NTRK1: variants seen among roughly 807,000 people sequenced by gnomAD.
NTRK1 encodes high affinity nerve growth factor receptor.
NTRK1 carries 62 observed loss-of-function variants against 86.8 expected under a neutral mutation model. That is an observed-to-expected ratio of 0.71 (90% CI 0.58 to 0.88). NTRK1 has a LOEUF of 0.88. NTRK1 is among the 40% of genes least tolerant of loss of function. NTRK1 has a pLI of 0.00. For synonymous variants in NTRK1, 469 were observed against 456.6 expected, an observed-to-expected ratio of 1.03 and a Z score of -0.35; for missense variants, 967 against 1,078.4, an observed-to-expected ratio of 0.90 and a Z score of 1.45.
intron 10 of NTRK1, 100 bp from the exon 11 acceptor site, chr1:156,874,806 G>T: frequency 8.5e-7 from 1 of 1,178,180 alleles, no homozygotes. Flanking sequence ...CTGGAGACCT[G>T]GCTCCGGGCT....
upstream of NTRK1, among the ~76,000 whole-genome samples, chr1:156,860,038 G>T (rs768087711): frequency 1.3e-5 from 2 of 152,254 alleles, no homozygotes; most frequent in Non-Finnish European, 2.9e-5. Flanking sequence ...GCTAAGAGAA[G>T]ATCTATTAAT....
intron 1 of NTRK1, chr1:156,816,152 C>A (rs915837261): frequency 2.3e-5 from 36 of 1,537,976 alleles, no homozygotes; most frequent in Non-Finnish European, 3.1e-5. Context: ...TCTGTCTCTG[C>A]CTCCCACCCC....
chr1:156,861,097 G>T lies in NTRK1; in HGVS notation c.163G>T (p.Ala55Ser). Residue 55 changes from alanine to serine, a missense_variant, in exon 1 of 17, where the codon GCC (alanine) becomes TCC (serine). By Grantham distance (99) the Ala-to-Ser change is moderately conservative. Around this residue, in one of 2 missense-constraint regions of NTRK1, gnomAD observed 330 missense variants for 302.0 expected, o/e 1.09. Coordinates refer to ENST00000524377, the MANE Select transcript of NTRK1 (RefSeq NM_002529.4). The stretch of plus-strand genomic sequence containing the variant: ...GGGACTGCGATGCACCCGGGATGGG[G>T]CCCTGGATAGCCTCCACCACCTGCC... ...SSGLRCTRDG[A>S]LDSLHHLPGA... 2 of 1,584,326 alleles carry T rather than the reference G, an allele frequency of 1.3e-6. No homozygotes were observed. Among genetic ancestry groups the T allele is most frequent in the South Asian group, 1.1e-5 (1 of 88,002 alleles).
chr1:156,818,364 C>A (rs192427571), intron 1 of NTRK1, among the ~76,000 whole-genome samples: 1 of 151,964 alleles, frequency 6.6e-6, no homozygotes, highest in Non-Finnish European at 1.5e-5. Flanking sequence ...TTTTGGGGTA[C>A]GGTTGGGTTT....
chr1:156,834,654 T>C (rs558059901), intron 1 of NTRK1, among the ~76,000 whole-genome samples: 20 of 152,118 alleles, frequency 1.3e-4, no homozygotes, highest in African/African-American at 4.6e-4. Context: ...TCTTTGCCAC[T>C]ATAAAGAGTT....
At chr1:156,840,804 G>A (rs751986902) in intron 1 of NTRK1, 199 of 1,217,848 alleles carry the variant, frequency 1.6e-4, no homozygotes, top group Non-Finnish European at 2.0e-4. Context: ...ACATTCAGGC[G>A]TCTCAGCCAC....
chr1:156,846,170 T>C (rs1174218487), intron 2 of NTRK1: 6 of 1,509,718 alleles, frequency 4.0e-6, no homozygotes, highest in African/African-American at 1.4e-5. Context: ...TCCTCCTGAA[T>C]ACTATCTAGT....
Position 156,845,622 on chromosome 1 carries a change from G to A in NTRK1, c.50+3429G>A, listed in dbSNP as rs758968003. 1.5e-5 allele frequency: 24 copies of A among 1,606,238 alleles called. 1 individual carries two copies. In the South Asian group the frequency reaches 2.5e-4, roughly 17 times the overall value. The stretch of plus-strand genomic sequence containing the variant: ...AGGCCGCGCGCGCTCTTCGCACATG[G>A]GGATGGTGATCGCGTTGTGTAGAAA... On this transcript the variant is annotated intron_variant, in intron 2 of 16. Coordinates refer to the NTRK1 transcript ENST00000392302.
intron 2 of NTRK1, chr1:156,852,276 T>C (rs1243167240): frequency 2.2e-6 from 3 of 1,348,604 alleles, no homozygotes; most frequent in Non-Finnish European, 2.0e-6. Context: ...CCTGTTTCTC[T>C]TGGGATGACA....
intron 15 of NTRK1, among the ~76,000 whole-genome samples, chr1:156,879,742 T>G (rs1571703532): frequency 6.6e-6 from 1 of 152,292 alleles, no homozygotes; most frequent in East Asian, 1.9e-4. Context: ...CCCGAGTAGC[T>G]GGGATTACAG....
intron 1 of NTRK1, among the ~76,000 whole-genome samples, chr1:156,825,527 C>T (rs1052346223): frequency 6.6e-6 from 1 of 152,160 alleles, no homozygotes. Context: ...TTTCAGGGAA[C>T]AAAACTGATG....
chr1:156,871,331 G>T (rs1398437486), intron 6 of NTRK1, among the ~76,000 whole-genome samples: 1 of 152,130 alleles, frequency 6.6e-6, no homozygotes, highest in Non-Finnish European at 1.5e-5. Context: ...GAGGTGAGAG[G>T]ATTGCTTGAG....
At chr1:156,821,034 T>G (rs1307720222) in intron 1 of NTRK1, among the ~76,000 whole-genome samples, 3 of 152,218 alleles carry the variant, frequency 2.0e-5, no homozygotes, top group African/African-American at 7.2e-5. Context: ...CTGGTAGAGA[T>G]CTTTAACCTT....
intron 1 of NTRK1, among the ~76,000 whole-genome samples, chr1:156,861,391 G>A (rs1238211427): frequency 1.3e-5 from 2 of 152,232 alleles, no homozygotes; most frequent in Non-Finnish European, 2.9e-5. Context: ...CAGGGAGATC[G>A]AAGGGGGAAA....
intron 1 of NTRK1, among the ~76,000 whole-genome samples, chr1:156,821,218 G>A (rs1314188414): frequency 6.6e-6 from 1 of 151,840 alleles, no homozygotes; most frequent in Non-Finnish European, 1.5e-5. Context: ...GAATGTATCA[G>A]ATCTAGGATC....
chr1:156,845,602 G>C, intron 2 of NTRK1: 4 of 1,347,840 alleles, frequency 3.0e-6, no homozygotes, highest in Non-Finnish European at 3.9e-6. Context: ...CTCCCAGGCC[G>C]CGCGCGCTCT....
At chr1:156,853,663 G>A in intron 2 of NTRK1, 1 of 1,281,704 alleles carries the variant, frequency 7.8e-7, no homozygotes, top group South Asian at 1.4e-5. Context: ...GCAGCTGAAA[G>A]TACTGACCCA....
intron 1 of NTRK1, chr1:156,841,755 T>C: frequency 6.2e-7 from 1 of 1,613,984 alleles, no homozygotes; most frequent in Non-Finnish European, 8.5e-7. Context: ...ACCCTTGCGG[T>C]AATAGTCTGT....
intron 2 of NTRK1, chr1:156,844,920 C>A: frequency 6.3e-7 from 1 of 1,590,966 alleles, no homozygotes; most frequent in Non-Finnish European, 8.6e-7. Flanking sequence ...CTAAACTGGG[C>A]TGAGCTGGGA....
Sources: gnomAD v4.1 joint callset for allele counts (sites outside exome capture counted in the v4.1 genomes callset) on GRCh38, gnomAD v4.1.1 for gene constraint, gnomAD v4.1.1 regional missense constraint, MANE v1.5 for transcripts, NCBI Gene and HGNC (gene_info 2026-07-23, HGNC 2026-07-21) for gene names.